The following EPS15 variants were observed in gnomAD, a reference collection of about 807,000 sequenced individuals.
EPS15 encodes the protein epidermal growth factor receptor substrate 15.
Under a neutral mutation model 113.8 loss-of-function variants are expected in EPS15, and 72 were observed. The observed-to-expected ratio is 0.63, with a 90% CI of 0.52 to 0.77. The LOEUF is 0.77. EPS15 is among the 30% of genes least tolerant of loss of function. The probability of loss-of-function intolerance (pLI) is 0.00; values close to 1 mark genes in which losing one functional copy is unlikely to be tolerated. For synonymous variants in EPS15, 344 were observed against 363.4 expected (o/e 0.95, Z 0.61); for missense variants, 1,048 against 1,045.8 (o/e 1.00, Z -0.03).
Position 51,442,965 on chromosome 1 carries a change from G to C in EPS15, c.954+1924C>G, listed in dbSNP as rs557241647. ...ATTAGTCAAAGCTGCAAAAAATGCA[G>C]TACTAAAAAAACCAGATTAAAGAGA... On this transcript the variant is annotated intron_variant, in intron 11 of 24. Transcript: ENST00000371733. Among the ~76,000 whole-genome samples, 3 of 152,016 alleles carry C rather than the reference G, an allele frequency of 2.0e-5. No homozygotes were observed. In the East Asian group the frequency reaches 5.8e-4, roughly 29 times the overall value.
chr1:51,407,831 A>C lies in EPS15; in HGVS notation c.1473+304T>G, dbSNP rs74832832. Among the ~76,000 whole-genome samples, 317 of 152,312 alleles carry C rather than the reference A, an allele frequency of 2.1e-3. 3 individuals carry two copies. The highest frequency in any genetic ancestry group is 7.4e-3 in the African/African-American group (307 of 41,572). On this transcript the variant is annotated intron_variant, in intron 15 of 24. Transcript: ENST00000371733. Reference sequence around the variant, plus strand: ...GTATTTATTAATCCTCCAATTTTGAAGATGAAGAATCTGATACTAAGGTGA... The same window carrying C: ...GTATTTATTAATCCTCCAATTTTGACGATGAAGAATCTGATACTAAGGTGA...
At chr1:51,467,174 A>G (rs1011650079) in intron 5 of EPS15, among the ~76,000 whole-genome samples, 2 of 152,256 alleles carry the variant, frequency 1.3e-5, no homozygotes, top group Non-Finnish European at 2.9e-5. Context: ...AAGTTTAACC[A>G]AAGTATGCTA....
chr1:51,448,486 A>T (rs878956402), intron 8 of EPS15, among the ~76,000 whole-genome samples: 1 of 152,184 alleles, frequency 6.6e-6, no homozygotes, highest in Non-Finnish European at 1.5e-5. Context: ...AACAGAAAAA[A>T]AAGTCCAATA....
rs1654770388 is a variant in EPS15 at position 51,465,345 on chromosome 1, C to A, written c.310-19G>T. ...TATCATGCTATAGAAGAAAGTAAAG[C>A]ACAACAAGAGTTGAAATTCTCACAT... On this transcript the variant is annotated intron_variant, in intron 5 of 24. Coordinates refer to ENST00000371733, the MANE Select transcript of EPS15 (RefSeq NM_001981.3). 1.9e-6 allele frequency: 3 copies of A among 1,564,436 alleles called. No individual in the cohort carries two copies. The South Asian group carries it at 3.5e-5, about 18-fold the overall frequency.
chr1:51,454,359 G>A (rs530261116), intron 8 of EPS15, among the ~76,000 whole-genome samples: 15 of 152,252 alleles, frequency 9.9e-5, no homozygotes, highest in African/African-American at 3.6e-4. Flanking sequence ...AAGGGCATGA[G>A]TCTATACTTC....
intron 17 of EPS15, 129 bp from the exon 18 acceptor site, chr1:51,402,654 G>A (rs1648692189): frequency 1.9e-6 from 1 of 513,158 alleles, no homozygotes; most frequent in East Asian, 3.5e-5. Flanking sequence ...GCCAGGCACG[G>A]TGGCTCACAC....
At chr1:51,359,653 G>A (rs1646335257) in intron 24 of EPS15, among the ~76,000 whole-genome samples, 1 of 151,518 alleles carries the variant, frequency 6.6e-6, no homozygotes, top group Non-Finnish European at 1.5e-5. Context: ...AGCTACTCGG[G>A]AGGCTGAGGC....
In EPS15 at chr1:51,426,217, G is replaced by A. The variant is rs376176462; in HGVS notation, c.1041-4359C>T. Among the ~76,000 whole-genome samples the A allele has an allele frequency of 3.1e-4, 47 of 151,306 alleles. No individual in the cohort carries two copies. The South Asian group carries it at 3.4e-3, about 11-fold the overall frequency. On this transcript the variant is annotated intron_variant, in intron 12 of 24. Transcript: ENST00000371733. ...CTTTTAGGAGATTGCTTCTCTTTCCGCCTCTTCTAATGTCTTTCTACTCAT... is the reference window on the plus strand; with the variant it reads ...CTTTTAGGAGATTGCTTCTCTTTCCACCTCTTCTAATGTCTTTCTACTCAT...
intron 13 of EPS15, among the ~76,000 whole-genome samples, chr1:51,419,571 T>A (rs749737966): frequency 4.6e-5 from 7 of 152,092 alleles, no homozygotes; most frequent in Non-Finnish European, 7.4e-5. Flanking sequence ...TCCTCCCCAA[T>A]GTCTTCATTT....
chr1:51,430,251 T>C (rs911356363), intron 12 of EPS15, among the ~76,000 whole-genome samples: 5 of 152,146 alleles, frequency 3.3e-5, no homozygotes, highest in African/African-American at 4.8e-5. Flanking sequence ...AATTTGAAAG[T>C]TACATGACCT....
intron 1 of EPS15, among the ~76,000 whole-genome samples, chr1:51,504,414 C>T (rs920270366): frequency 6.6e-6 from 1 of 151,800 alleles, no homozygotes; most frequent in Non-Finnish European, 1.5e-5. Context: ...TGTCTGAAAA[C>T]AAAATAAATT....
intron 1 of EPS15, among the ~76,000 whole-genome samples, chr1:51,512,816 G>A (rs1287031138): frequency 6.7e-6 from 1 of 149,004 alleles, no homozygotes; most frequent in Non-Finnish European, 1.5e-5. Context: ...TGCTGCTACA[G>A]TGTTTCTGAA....
At chr1:51,487,274 A>G (rs191846088) in intron 1 of EPS15, among the ~76,000 whole-genome samples, 1 of 152,324 alleles carries the variant, frequency 6.6e-6, no homozygotes, top group East Asian at 1.9e-4. Context: ...AATATTTATT[A>G]CCAAAAATAG....
intron 8 of EPS15, among the ~76,000 whole-genome samples, chr1:51,448,651 C>CA (rs1462463565): frequency 1.3e-5 from 2 of 152,116 alleles, no homozygotes. Context: ...GGCAAAAACT[C>CA]AAAGTTTCAT....
At chr1:51,387,102 C>T (rs1288819893) in intron 21 of EPS15, among the ~76,000 whole-genome samples, 2 of 152,164 alleles carry the variant, frequency 1.3e-5, no homozygotes, top group African/African-American at 4.8e-5. Context: ...GGAAGCCCAT[C>T]AGACTAACAG....
intron 13 of EPS15, among the ~76,000 whole-genome samples, chr1:51,416,360 A>C (rs1650222120): frequency 6.6e-6 from 1 of 152,188 alleles, no homozygotes; most frequent in South Asian, 2.1e-4. Flanking sequence ...TCAACAGCAA[A>C]AGAAAGGAAG....
chr1:51,386,486 A>G (rs935595648), intron 21 of EPS15, among the ~76,000 whole-genome samples: 13 of 152,194 alleles, frequency 8.5e-5, no homozygotes, highest in Non-Finnish European at 1.8e-4. Context: ...GCTGTTCTGC[A>G]GCCACCGCTG....
chr1:51,519,081 G>A lies in EPS15; in HGVS notation c.33+118C>T, dbSNP rs535158465. On this transcript the variant is annotated intron_variant, in intron 1 of 24. Coordinates refer to ENST00000371733, the MANE Select transcript of EPS15 (RefSeq NM_001981.3). ...TTTCCCTCACACACACCGGCCGCCCGGCCCACAAGCCAAGAAGCTGCCTGC... is the reference window on the plus strand; with the variant it reads ...TTTCCCTCACACACACCGGCCGCCCAGCCCACAAGCCAAGAAGCTGCCTGC... 120 of 634,054 alleles carry A rather than the reference G, an allele frequency of 1.9e-4. No individual in the cohort carries two copies. In the African/African-American group the frequency reaches 2.0e-3, roughly 10 times the overall value. 39.3% of individuals were successfully genotyped at this position (634,054 alleles called of 1,614,324 possible).
intron 13 of EPS15, among the ~76,000 whole-genome samples, chr1:51,418,913 T>C (rs1405779426): frequency 6.6e-6 from 1 of 152,162 alleles, no homozygotes; most frequent in East Asian, 1.9e-4. Context: ...TCAAGTTTGT[T>C]TGACATCAAA....
Sources: allele counts gnomAD v4.1 joint callset (sites outside exome capture counted in the v4.1 genomes callset), GRCh38; gene constraint gnomAD v4.1.1; transcripts MANE v1.5; gene names NCBI Gene and HGNC (gene_info 2026-07-23, HGNC 2026-07-21).